Variants in CEP128 observed in about 807,000 individuals in gnomAD.
CEP128 encodes the protein centrosomal protein 128, also known as centrosomal protein 128kDa.
Under a neutral mutation model 156.7 loss-of-function variants are expected in CEP128, and 132 were observed. The observed-to-expected ratio is 0.84, with a 90% CI of 0.73 to 0.97. The LOEUF is 0.97. Among genes scored for constraint, CEP128 ranks in the 50% least tolerant of loss-of-function variants. CEP128 has a pLI of 0.00. For missense variants in CEP128, 1,252 were observed against 1,281.9 expected, an observed-to-expected ratio of 0.98 and a Z score of 0.36; for synonymous variants, 469 against 448.9, an observed-to-expected ratio of 1.04 and a Z score of -0.57.
At chr14:80,547,797 A>ATTTTT (rs369896159) in intron 21 of CEP128, among the ~76,000 whole-genome samples, 11 of 141,192 alleles carry the variant, frequency 7.8e-5, no homozygotes, top group Non-Finnish European at 9.2e-5. Flanking sequence ...AGGGAGAGGA[A>ATTTTT]TTTTTTTTTT....
rs146789005 is a variant in CEP128 at position 80,514,789 on chromosome 14, G to A, written c.3073-9769C>T. 5.4e-4 allele frequency: 128 copies of A among 235,322 alleles called. 1 individual carries two copies. Among genetic ancestry groups the A allele is most frequent in the Non-Finnish European group, 9.3e-4 (101 of 109,096 alleles). The allele number at this position is 235,322 out of a possible 1,614,324, so 14.6% of individuals were successfully genotyped here. On this transcript the variant is annotated intron_variant, in intron 23 of 24. Coordinates refer to ENST00000555265, the MANE Select transcript of CEP128 (RefSeq NM_152446.5). ...GTTCTGATGCTGGGGGATATTTGTC[G>A]ATGTCTGAGCCCTGAAGAGTTGGGT...
chr14:80,511,661 T>C (rs1221962402), intron 23 of CEP128, among the ~76,000 whole-genome samples: 1 of 152,020 alleles, frequency 6.6e-6, no homozygotes, highest in Non-Finnish European at 1.5e-5. Flanking sequence ...TTGCTTTCTG[T>C]TTCTTTAAGA....
chr14:80,538,686 C>T (rs1239525086), intron 21 of CEP128, among the ~76,000 whole-genome samples: 1 of 152,180 alleles, frequency 6.6e-6, no homozygotes, highest in Non-Finnish European at 1.5e-5. Context: ...ATTCAGCACG[C>T]ATATCATCAA....
chr14:80,818,420 T>C (rs910718147), intron 13 of CEP128, among the ~76,000 whole-genome samples: 2 of 152,240 alleles, frequency 1.3e-5, no homozygotes, highest in African/African-American at 4.8e-5. Flanking sequence ...GCTAGTAGAT[T>C]AGCCTTACAA....
At position 80,784,992 on chromosome 14, in the gene CEP128, T is replaced by G; in HGVS notation, c.2114A>C (p.Gln705Pro). 6.2e-7 allele frequency: 1 copy of G among 1,614,190 alleles called. No individual in the cohort carries two copies. ...CTGTTCGTGTTTTGTTTTCACACTC[T>G]GCAATGATGATGTGAGATCTTTCAG... Reference protein sequence around the residue: ...RELKDLTSSLQSVKTKHEQNI... With the variant: ...RELKDLTSSLPSVKTKHEQNI... The change falls in exon 15 of 25, where the codon CAG becomes CCG. Residue 705 changes from glutamine to proline, a missense_variant. Physicochemically the swap from Gln to Pro is moderately conservative, Grantham distance 76. Coordinates refer to ENST00000555265, the MANE Select transcript of CEP128 (RefSeq NM_152446.5).
At chr14:80,690,057 C>G (rs551831146) in intron 19 of CEP128, among the ~76,000 whole-genome samples, 1 of 152,034 alleles carries the variant, frequency 6.6e-6, no homozygotes, top group East Asian at 1.9e-4. Flanking sequence ...CTTCCACTTG[C>G]TATTGTGTTA....
intron 6 of CEP128, among the ~76,000 whole-genome samples, chr14:80,904,017 T>C (rs922876811): frequency 5.3e-5 from 8 of 152,150 alleles, no homozygotes; most frequent in African/African-American, 1.9e-4. Context: ...GAAATCAGTA[T>C]GTCAAAGGGA....
chr14:80,766,225 A>C (rs1029796563), intron 16 of CEP128, among the ~76,000 whole-genome samples: 6 of 152,324 alleles, frequency 3.9e-5, no homozygotes, highest in Admixed American at 3.9e-4. Context: ...TCCATCGTCA[A>C]GACAGGAAAG....
chr14:80,526,314 C>G (rs553070117), intron 23 of CEP128, among the ~76,000 whole-genome samples: 1 of 152,152 alleles, frequency 6.6e-6, no homozygotes, highest in Non-Finnish European at 1.5e-5. Context: ...TAAAATCACC[C>G]AGATCCCAGA....
intron 23 of CEP128, among the ~76,000 whole-genome samples, chr14:80,525,718 C>G (rs976346272): frequency 2.0e-5 from 3 of 152,254 alleles, no homozygotes; most frequent in Middle Eastern, 3.4e-3. Flanking sequence ...ACAGGATGCT[C>G]TCTTCACAGT....
intron 13 of CEP128, among the ~76,000 whole-genome samples, chr14:80,819,751 C>T (rs1293749910): frequency 6.6e-6 from 1 of 152,170 alleles, no homozygotes; most frequent in Non-Finnish European, 1.5e-5. Context: ...ACCAACATTT[C>T]AGTGCTGAGT....
Position 80,775,551 on chromosome 14 carries a change from G to A in CEP128, c.2376+2331C>T, listed in dbSNP as rs551345193. 1.5e-4 allele frequency among the ~76,000 whole-genome samples: 23 copies of A among 152,288 alleles called. No homozygotes were observed. The South Asian group carries it at 4.8e-3, about 32-fold the overall frequency. ...TCTTTTCTCTGCATTAGCACCCATTGTCAAGACTTGACTACATAGTTTTAA... is the reference window on the plus strand; with the variant it reads ...TCTTTTCTCTGCATTAGCACCCATTATCAAGACTTGACTACATAGTTTTAA... On this transcript the variant is annotated intron_variant, in intron 16 of 24. Coordinates refer to ENST00000555265, the MANE Select transcript of CEP128 (RefSeq NM_152446.5).
At chr14:80,561,730 T>C (rs1344877375) in intron 20 of CEP128, among the ~76,000 whole-genome samples, 1 of 152,146 alleles carries the variant, frequency 6.6e-6, no homozygotes, top group Non-Finnish European at 1.5e-5. Flanking sequence ...CTGTCTGTCC[T>C]AATTCATATC....
At chr14:80,850,677 C>G (rs1886845857) in intron 9 of CEP128, among the ~76,000 whole-genome samples, 1 of 152,150 alleles carries the variant, frequency 6.6e-6, no homozygotes, top group South Asian at 2.1e-4. Flanking sequence ...TGAAATGTCA[C>G]TTTATTCACG....
At chr14:80,771,768 G>C (rs900378922) in intron 16 of CEP128, among the ~76,000 whole-genome samples, 16 of 152,166 alleles carry the variant, frequency 1.1e-4, no homozygotes, top group Non-Finnish European at 1.9e-4. Flanking sequence ...CATAGCTATT[G>C]AAACAAGTAA....
downstream of CEP128, among the ~76,000 whole-genome samples, chr14:80,493,097 A>G (rs1887379128): frequency 6.6e-6 from 1 of 152,208 alleles, no homozygotes; most frequent in South Asian, 2.1e-4. Context: ...AATGCCAGTC[A>G]AACTGCTTCA....
chr14:80,761,924 T>C (rs1188170374), intron 16 of CEP128, among the ~76,000 whole-genome samples: 2 of 152,104 alleles, frequency 1.3e-5, no homozygotes, highest in Non-Finnish European at 2.9e-5. Flanking sequence ...ATATTCTCAG[T>C]AATGAATGAG....
downstream of CEP128, among the ~76,000 whole-genome samples, chr14:80,485,748 T>C (rs6574579): frequency 0.48 from 72,236 of 151,704 alleles, 18,370 homozygotes; most frequent in East Asian, 0.69. Context: ...GGAAATAATG[T>C]TTTCTCGAGT....
At chr14:80,498,607 C>T (rs558317238) in intron 24 of CEP128, among the ~76,000 whole-genome samples, 317 of 152,330 alleles carry the variant, frequency 2.1e-3, no homozygotes, top group Middle Eastern at 0.01. Context: ...GCTGCTGCTT[C>T]TTGCCATTCA....
Sources: gnomAD v4.1 joint callset for allele counts (sites outside exome capture counted in the v4.1 genomes callset) on GRCh38, gnomAD v4.1.1 for gene constraint, MANE v1.5 for transcripts, NCBI Gene and HGNC (gene_info 2026-07-23, HGNC 2026-07-21) for gene names.